FIG4: variants seen among roughly 807,000 people sequenced by gnomAD.
FIG4 encodes the protein FIG4 phosphoinositide 5-phosphatase, also known as polyphosphoinositide phosphatase.
Under a neutral mutation model 118.6 loss-of-function variants are expected in FIG4, and 112 were observed. That is an observed-to-expected ratio of 0.94 (90% CI 0.81 to 1.11). The LOEUF (loss-of-function observed/expected upper bound fraction) is 1.11. FIG4 is among the 50% of genes least tolerant of loss of function. The pLI, the probability that FIG4 is intolerant of heterozygous loss-of-function variation, is 0.00. For synonymous variants in FIG4, 369 were observed against 381.2 expected, an observed-to-expected ratio of 0.97 and a Z score of 0.37; for missense variants, 969 against 1,111.7, an observed-to-expected ratio of 0.87 and a Z score of 1.83.
chr6:109,740,301 T>G (rs1451234952), intron 7 of FIG4, among the ~76,000 whole-genome samples: 1 of 152,194 alleles, frequency 6.6e-6, no homozygotes, highest in Non-Finnish European at 1.5e-5. Context: ...AGATGATCAT[T>G]TTAAAGCTCG....
intron 22 of FIG4, among the ~76,000 whole-genome samples, chr6:109,812,612 TG>T (rs1325853005): frequency 5.9e-5 from 9 of 151,802 alleles, no homozygotes; most frequent in East Asian, 1.9e-4. Context: ...TACAGAAAAA[TG>T]ATTATTGGTT....
chr6:109,804,145 TG>T (rs1778502924), intron 22 of FIG4, among the ~76,000 whole-genome samples: 1 of 152,128 alleles, frequency 6.6e-6, no homozygotes, highest in African/African-American at 2.4e-5. Context: ...CAGGTTAATC[TG>T]GGGGAGCAGA....
chr6:109,772,503 C>T (rs926425311), intron 15 of FIG4, among the ~76,000 whole-genome samples: 3 of 152,120 alleles, frequency 2.0e-5, no homozygotes, highest in African/African-American at 7.2e-5. Context: ...GTTGCCCAGA[C>T]TGGAGTGCAA....
chr6:109,779,861 T>A (rs1777743989), intron 16 of FIG4, among the ~76,000 whole-genome samples: 1 of 152,204 alleles, frequency 6.6e-6, no homozygotes, highest in African/African-American at 2.4e-5. Context: ...TTTCTGCAAG[T>A]GTATGTGGCC....
Position 109,716,572 on chromosome 6 carries a change from A to G in FIG4, c.289+4A>G, listed in dbSNP as rs552328971. On this transcript the variant is annotated splice_donor_region_variant and intron_variant, in intron 3 of 22. Coordinates refer to ENST00000230124, the MANE Select transcript of FIG4 (RefSeq NM_014845.6). ...GTTTCAGCTTTTGGTGTTGTGGGTA[A>G]GAAATCTGCCCCCCTTCTTACAATC... 6.2e-6 allele frequency: 10 copies of G among 1,613,736 alleles called. No homozygotes were observed. The African/African-American group carries it at 8.0e-5, about 13-fold the overall frequency.
intron 16 of FIG4, among the ~76,000 whole-genome samples, chr6:109,778,092 G>A (rs1423676877): frequency 6.6e-6 from 1 of 152,010 alleles, no homozygotes; most frequent in Non-Finnish European, 1.5e-5. Context: ...TGCACTCAAA[G>A]GCCTCTAATG....
chr6:109,800,900 C>T (rs1006173244), intron 22 of FIG4, among the ~76,000 whole-genome samples: 2 of 152,198 alleles, frequency 1.3e-5, no homozygotes, highest in Non-Finnish European at 2.9e-5. Context: ...CTCTACTGCA[C>T]CTGTGACCAA....
At chr6:109,756,143 A>G (rs1317422453) in intron 10 of FIG4, among the ~76,000 whole-genome samples, 1 of 151,984 alleles carries the variant, frequency 6.6e-6, no homozygotes, top group African/African-American at 2.4e-5. Flanking sequence ...TGGTGACAAA[A>G]TCTCTCAGCA....
At chr6:109,814,745 T>A (rs1340500217) in intron 22 of FIG4, among the ~76,000 whole-genome samples, 1 of 152,206 alleles carries the variant, frequency 6.6e-6, no homozygotes, top group African/African-American at 2.4e-5. Context: ...CATCAGCCTT[T>A]GAATACTTCT....
At chr6:109,726,764 G>T (rs573714987) in intron 3 of FIG4, among the ~76,000 whole-genome samples, 1 of 152,176 alleles carries the variant, frequency 6.6e-6, no homozygotes, top group African/African-American at 2.4e-5. Context: ...TCATTTGTTT[G>T]TGTCCTCTCT....
chr6:109,819,458 A>G (rs1401685772), intron 22 of FIG4, among the ~76,000 whole-genome samples: 2 of 152,050 alleles, frequency 1.3e-5, no homozygotes, highest in Admixed American at 6.6e-5. Flanking sequence ...GGAATTATGT[A>G]TCTGTAATTT....
chr6:109,724,834 C>CATATAT (rs147633842), intron 3 of FIG4, among the ~76,000 whole-genome samples: 21 of 138,784 alleles, frequency 1.5e-4, no homozygotes, highest in East Asian at 1.2e-3. Context: ...TGTGTGTGTA[C>CATATAT]ATATATATAT....
At chr6:109,718,955 G>A (rs1046857449) in intron 3 of FIG4, among the ~76,000 whole-genome samples, 1 of 142,038 alleles carries the variant, frequency 7.0e-6, no homozygotes, top group South Asian at 2.2e-4. Context: ...GCCTTGCTGT[G>A]TCACCCAGGC....
At chr6:109,763,310 A>G (rs1777168055) in intron 12 of FIG4, among the ~76,000 whole-genome samples, 1 of 152,270 alleles carries the variant, frequency 6.6e-6, no homozygotes. Context: ...TATAAGCAGG[A>G]CTTTCTAAGG....
intron 17 of FIG4, chr6:109,785,790 T>C (rs1024262318): frequency 4.4e-5 from 20 of 451,358 alleles, no homozygotes; most frequent in South Asian, 3.0e-4. Context: ...AAAGTATTTT[T>C]GGTTCTTATT....
At chr6:109,767,346 T>C (rs929789519) in intron 15 of FIG4, among the ~76,000 whole-genome samples, 2 of 152,184 alleles carry the variant, frequency 1.3e-5, no homozygotes, top group Non-Finnish European at 2.9e-5. Flanking sequence ...AATTCTACTG[T>C]TTTATGACTT....
intron 22 of FIG4, among the ~76,000 whole-genome samples, chr6:109,823,098 G>A (rs1481767218): frequency 1.3e-5 from 2 of 151,712 alleles, no homozygotes; most frequent in African/African-American, 4.8e-5. Flanking sequence ...ATTTTTTTGT[G>A]CTGTTGATGT....
intron 22 of FIG4, among the ~76,000 whole-genome samples, chr6:109,817,112 T>G (rs1022771557): frequency 6.6e-6 from 1 of 152,218 alleles, no homozygotes; most frequent in East Asian, 1.9e-4. Flanking sequence ...GTAGGAGCAC[T>G]TATGTTCTTT....
rs184908728 is a variant in FIG4 at position 109,730,736 on chromosome 6, T to C, written c.447-1901T>C. ...CAGTTGGACAAAAATGAAATTTGAT[T>C]CCATTCTCTGATAATATTCAGGAAG... On this transcript the variant is annotated intron_variant, in intron 4 of 22. Transcript: ENST00000230124. Among the ~76,000 whole-genome samples, 81 of 152,274 alleles carry C rather than the reference T, an allele frequency of 5.3e-4. No homozygotes were observed. The East Asian group carries it at 0.015, about 28-fold the overall frequency.
Sources: gnomAD v4.1 joint callset for allele counts (sites outside exome capture counted in the v4.1 genomes callset) on GRCh38, gnomAD v4.1.1 for gene constraint, MANE v1.5 for transcripts, NCBI Gene and HGNC (gene_info 2026-07-23, HGNC 2026-07-21) for gene names.